PITRM1: variants seen among roughly 807,000 people sequenced by gnomAD.
The protein encoded by PITRM1 is presequence protease, mitochondrial.
Under a neutral mutation model 129.9 loss-of-function variants are expected in PITRM1, and 100 were observed. The ratio of observed to expected loss-of-function variants is 0.77; its 90% CI spans 0.65 to 0.91. The LOEUF is 0.91. Among genes scored for constraint, PITRM1 ranks in the 40% least tolerant of loss-of-function variants. The probability of loss-of-function intolerance (pLI) is 0.00; values close to 1 mark genes in which losing one functional copy is unlikely to be tolerated. For synonymous variants in PITRM1, 591 were observed against 508.8 expected, an observed-to-expected ratio of 1.16 and a Z score of -2.17; for missense variants, 1,471 against 1,318.3, an observed-to-expected ratio of 1.12 and a Z score of -1.79.
At chr10:3,165,366 C>T (rs2132500049) in intron 5 of PITRM1, 32 bp from the exon 6 acceptor site, 1 of 1,598,646 alleles carries the variant, frequency 6.3e-7, no homozygotes, top group East Asian at 2.2e-5. Context: ...CTGATAGTGA[C>T]TCAAATACTA....
chr10:3,163,281 CAT>C (rs1842597964), intron 7 of PITRM1: 1 of 152,554 alleles, frequency 6.6e-6, no homozygotes, highest in Non-Finnish European at 1.5e-5. Flanking sequence ...GTATTAGTGA[CAT>C]AAGAACAAGC....
chr10:3,145,754 G>GAAA, intron 20 of PITRM1, 38 bp from the exon 21 acceptor site: 1 of 1,445,724 alleles, frequency 6.9e-7, no homozygotes, highest in East Asian at 2.5e-5. Flanking sequence ...ACCACTGTTA[G>GAAA]AAAAAACAGT....
intron 7 of PITRM1, among the ~76,000 whole-genome samples, chr10:3,161,857 AAAAAAAAAG>A (rs1246125500): frequency 1.4e-5 from 2 of 142,988 alleles, no homozygotes; most frequent in Non-Finnish European, 1.6e-5. Context: ...TGGGGAAAAA[AAAAAAAAAG>A]AAGAAAAGAA....
Position 3,137,881 on chromosome 10 carries a change from T to TTGGCG in PITRM1, c.*149_*150insCGCCA. ...AACCTCTTCCTGGTCACTCTTAAGA[T>TTGGCG]AGATCTGAGTTTTTGACTCGCCAGT... On this transcript the variant is annotated 3_prime_UTR_variant, in exon 27 of 27. Coordinates refer to ENST00000224949, the MANE Select transcript of PITRM1 (RefSeq NM_014889.4). 4 of 605,098 alleles carry TTGGCG rather than the reference T, an allele frequency of 6.6e-6. No individual in the cohort carries two copies. The highest frequency in any genetic ancestry group is 1.2e-5 in the Non-Finnish European group (4 of 340,086). The allele number at this position is 605,098 out of a possible 1,614,324, so 37.5% of individuals were successfully genotyped here.
chr10:3,165,664 C>G, intron 4 of PITRM1, 137 bp from the exon 5 acceptor site: 2 of 631,080 alleles, frequency 3.2e-6, no homozygotes, highest in Non-Finnish European at 2.8e-6. Flanking sequence ...GCCCCATGCT[C>G]TGGTCCCTGG....
Position 3,147,928 on chromosome 10 carries a change from C to A in PITRM1, c.2069+59G>T. ...GAGTAAAACTGTCTCCTTTAAAGTA[C>A]TTCAAACAAAGATCTCTAGTACACC... On this transcript the variant is annotated intron_variant, in intron 18 of 26. Coordinates refer to ENST00000224949, the MANE Select transcript of PITRM1 (RefSeq NM_014889.4). The A allele has an allele frequency of 3.6e-6, 5 of 1,391,644 alleles. No homozygotes were observed. The South Asian group carries it at 5.8e-5, about 16-fold the overall frequency. 86.2% of individuals were successfully genotyped at this position (1,391,644 alleles called of 1,614,324 possible). A position where few individuals can be genotyped will look rare whatever the true frequency, so the allele number is the denominator to read the frequency against.
intron 6 of PITRM1, among the ~76,000 whole-genome samples, 174 bp downstream of exon 6, chr10:3,165,064 C>T (rs1343384757): frequency 6.6e-6 from 1 of 152,236 alleles, no homozygotes. Context: ...CTGGGAAGAA[C>T]AGCAGCCTGG....
At chr10:3,171,751 T>C (rs1008268959) in intron 1 of PITRM1, among the ~76,000 whole-genome samples, 2 of 152,168 alleles carry the variant, frequency 1.3e-5, no homozygotes, top group Admixed American at 6.5e-5. Flanking sequence ...TTTCTAATAA[T>C]TATTCTCACC....
chr10:3,165,745 C>T (rs1842808292), intron 4 of PITRM1, among the ~76,000 whole-genome samples: 2 of 152,190 alleles, frequency 1.3e-5, no homozygotes, highest in South Asian at 2.1e-4. Flanking sequence ...CTGCACTCGA[C>T]GGGCACCAGG....
chr10:3,153,621 AAAAAAAACC>A, intron 14 of PITRM1, among the ~76,000 whole-genome samples: 1 of 152,192 alleles, frequency 6.6e-6, no homozygotes, highest in East Asian at 1.9e-4. Flanking sequence ...TCCGTCTCAA[AAAAAAAACC>A]AAAAAAACAA....
chr10:3,167,284 A>AGC (rs1842950265), intron 2 of PITRM1, among the ~76,000 whole-genome samples: 30 of 149,080 alleles, frequency 2.0e-4, no homozygotes, highest in African/African-American at 4.3e-4. Context: ...AAAGAGAGAG[A>AGC]GAGCGAGCGA....
intron 1 of PITRM1, 77 bp downstream of exon 1, chr10:3,172,640 C>T (rs1843486288): frequency 6.0e-6 from 8 of 1,337,604 alleles, no homozygotes; most frequent in South Asian, 1.4e-5. Flanking sequence ...GACGAGGACC[C>T]CTACGCCTCC....
chr10:3,139,979 C>T (rs186011552), intron 24 of PITRM1, among the ~76,000 whole-genome samples: 3 of 152,350 alleles, frequency 2.0e-5, no homozygotes, highest in East Asian at 3.9e-4. Context: ...GAGCTAAGAA[C>T]GCTCTCAGGC....
chr10:3,168,561 G>T (rs969163520), intron 2 of PITRM1, among the ~76,000 whole-genome samples: 1 of 147,366 alleles, frequency 6.8e-6, no homozygotes, highest in Non-Finnish European at 1.5e-5. Flanking sequence ...GGAGGGACCT[G>T]GTGGGAGGTA....
chr10:3,141,219 AT>A (rs1840164673), intron 23 of PITRM1, among the ~76,000 whole-genome samples: 1 of 152,160 alleles, frequency 6.6e-6, no homozygotes. Context: ...CAGGCATGAG[AT>A]TTTCTTTTCA....
chr10:3,143,787 A>G, intron 22 of PITRM1: 1 of 648,732 alleles, frequency 1.5e-6, no homozygotes, highest in South Asian at 1.5e-5. Flanking sequence ...TGTTCAATTA[A>G]AAACATTTCA....
chr10:3,165,662 C>A, intron 4 of PITRM1, 135 bp from the exon 5 acceptor site: 1 of 634,052 alleles, frequency 1.6e-6, no homozygotes, highest in Non-Finnish European at 2.8e-6. Flanking sequence ...TGGCCCCATG[C>A]TCTGGTCCCT....
chr10:3,159,694 G>A (rs970615374), intron 9 of PITRM1, among the ~76,000 whole-genome samples, 154 bp downstream of exon 9: 2 of 152,138 alleles, frequency 1.3e-5, no homozygotes, highest in African/African-American at 2.4e-5. Flanking sequence ...TAAAAACTTC[G>A]ACATTTTGTT....
At chr10:3,160,022 G>T in intron 8 of PITRM1, 86 bp from the exon 9 acceptor site, 1 of 1,242,556 alleles carries the variant, frequency 8.0e-7, no homozygotes, top group Non-Finnish European at 1.2e-6. Context: ...GAAATGGAGC[G>T]AAACAGGCTT....
Sources: allele counts gnomAD v4.1 joint callset (sites outside exome capture counted in the v4.1 genomes callset), GRCh38; gene constraint gnomAD v4.1.1; transcripts MANE v1.5; gene names NCBI Gene and HGNC (gene_info 2026-07-23, HGNC 2026-07-21).